Variants in CCDC102B observed in about 807,000 individuals in gnomAD.
CCDC102B encodes coiled-coil domain containing 102B.
Under a neutral mutation model 57.4 loss-of-function variants are expected in CCDC102B, and 75 were observed. That is an observed-to-expected ratio of 1.31 (90% CI 1.08 to 1.58). The LOEUF (loss-of-function observed/expected upper bound fraction) is 1.58. Ranked by LOEUF, CCDC102B falls within the 40% of genes most tolerant of loss-of-function variation. CCDC102B has a pLI of 0.00. For synonymous variants in CCDC102B, 206 were observed against 201.9 expected, an observed-to-expected ratio of 1.02 and a Z score of -0.17; for missense variants, 636 against 582.6, an observed-to-expected ratio of 1.09 and a Z score of -0.94.
chr18:69,009,949 T>TTTTTTTTTTTTTTTTTTTA (rs2051461349), intron 6 of CCDC102B, among the ~76,000 whole-genome samples: 1 of 132,360 alleles, frequency 7.6e-6, no homozygotes, highest in Non-Finnish European at 1.6e-5. Context: ...TTTTTTTTTT[T>TTTTTTTTTTTTTTTTTTTA]GAGACGGAGC....
rs576513378 is a variant in CCDC102B at position 68,744,006 on chromosome 18, C to T, written c.-67+27412C>T. ...TTTGGATTTTGAAGTCTTTGGACTT[C>T]GACACTTTTAGAATTTGCATTTAAT... is the stretch of plus-strand genomic sequence containing the variant. On this transcript the variant is annotated intron_variant, in intron 2 of 3. Coordinates refer to the CCDC102B transcript ENST00000578970. 2.6e-5 allele frequency among the ~76,000 whole-genome samples: 4 copies of T among 152,100 alleles called. No homozygotes were observed. The South Asian group carries it at 6.2e-4, about 24-fold the overall frequency.
intron 6 of CCDC102B, among the ~76,000 whole-genome samples, chr18:68,908,922 T>G (rs7230790): frequency 0.89 from 134,621 of 151,782 alleles, 59,859 homozygotes; most frequent in East Asian, 0.99. Context: ...GTGGCTCTTC[T>G]TGTACTGATC....
intron 2 of CCDC102B, among the ~76,000 whole-genome samples, chr18:68,783,201 G>A (rs959043504): frequency 6.6e-6 from 1 of 152,148 alleles, no homozygotes; most frequent in African/African-American, 2.4e-5. Flanking sequence ...TGGAGAGCAG[G>A]TAATCAGGTT....
intron 2 of CCDC102B, among the ~76,000 whole-genome samples, chr18:68,742,470 A>G (rs1599395664): frequency 6.6e-6 from 1 of 152,244 alleles, no homozygotes; most frequent in African/African-American, 2.4e-5. Context: ...TTTTGGGGAT[A>G]CACAATTCAA....
At chr18:68,794,446 AC>A (rs2035562915), upstream of CCDC102B, among the ~76,000 whole-genome samples, 8 of 152,024 alleles carry the variant, frequency 5.3e-5, no homozygotes, top group African/African-American at 1.9e-4. Flanking sequence ...AAAAAAAATG[AC>A]CACATTGTTG....
At chr18:68,951,982 T>G (rs562527649) in intron 6 of CCDC102B, among the ~76,000 whole-genome samples, 11 of 152,266 alleles carry the variant, frequency 7.2e-5, no homozygotes, top group African/African-American at 1.9e-4. Context: ...TACACATATT[T>G]AAACTTTAAA....
At position 68,821,848 on chromosome 18, in the gene CCDC102B, A is replaced by G. The variant is rs76460937; in HGVS notation, c.-15-14901A>G. Among the ~76,000 whole-genome samples the G allele has an allele frequency of 1.8e-3, 267 of 152,242 alleles. 1 individual carries two copies. The highest frequency in any genetic ancestry group is 5.9e-3 in the African/African-American group (247 of 41,572). On this transcript the variant is annotated intron_variant, in intron 1 of 7. Coordinates refer to ENST00000360242, the MANE Select transcript of CCDC102B (RefSeq NM_024781.3). ...TATATACACCATTTAATATAATTGT[A>G]GAGAAAAATAAAATAAAATATTCCA...
intron 2 of CCDC102B, among the ~76,000 whole-genome samples, chr18:68,733,723 G>T (rs1463122739): frequency 6.6e-6 from 1 of 151,830 alleles, no homozygotes; most frequent in African/African-American, 2.4e-5. Flanking sequence ...TACCTAAGAG[G>T]ACTTCCAAAT....
intron 2 of CCDC102B, chr18:68,838,476 C>A: frequency 5.1e-6 from 5 of 984,920 alleles, no homozygotes; most frequent in Non-Finnish European, 6.0e-6. Flanking sequence ...AGAGTTAAAG[C>A]AGAACTTTTG....
At chr18:68,785,574 G>T (rs2035175153) in intron 2 of CCDC102B, among the ~76,000 whole-genome samples, 1 of 150,930 alleles carries the variant, frequency 6.6e-6, no homozygotes, top group Admixed American at 6.6e-5. Context: ...TTCTCTGATG[G>T]CCAGTGATGA....
intron 7 of CCDC102B, among the ~76,000 whole-genome samples, chr18:69,014,978 A>AGT (rs3035604): frequency 0.67 from 92,875 of 139,416 alleles, 32,974 homozygotes; most frequent in Non-Finnish European, 0.78. Context: ...AGAGAGAGAG[A>AGT]GTGTGTGTGT....
intron 6 of CCDC102B, among the ~76,000 whole-genome samples, chr18:68,985,444 A>G (rs1194957445): frequency 1.3e-5 from 2 of 152,180 alleles, no homozygotes; most frequent in African/African-American, 4.8e-5. Context: ...CTCTAGATCT[A>G]TGAACAGAGG....
intron 1 of CCDC102B, among the ~76,000 whole-genome samples, chr18:68,831,533 G>A (rs931102954): frequency 6.6e-6 from 1 of 152,056 alleles, no homozygotes; most frequent in African/African-American, 2.4e-5. Context: ...AAATATCTAA[G>A]CTTTAAATTA....
At chr18:68,826,277 A>C (rs754611605) in intron 1 of CCDC102B, among the ~76,000 whole-genome samples, 17 of 152,242 alleles carry the variant, frequency 1.1e-4, no homozygotes, top group Non-Finnish European at 2.4e-4. Context: ...TGAAGACACA[A>C]CTTGGGGTAG....
intron 4 of CCDC102B, among the ~76,000 whole-genome samples, chr18:68,864,857 CT>C (rs1462631689): frequency 3.9e-5 from 6 of 151,962 alleles, no homozygotes; most frequent in Non-Finnish European, 1.5e-5. Context: ...CAAAATATTC[CT>C]TATTCTTTCC....
At chr18:68,791,190 A>G (rs1201310217) in intron 2 of CCDC102B, among the ~76,000 whole-genome samples, 1 of 152,246 alleles carries the variant, frequency 6.6e-6, no homozygotes, top group Non-Finnish European at 1.5e-5. Flanking sequence ...GGCTGCCCAA[A>G]TAGTTCGAGT....
chr18:68,995,404 C>T (rs2050996364), intron 6 of CCDC102B, among the ~76,000 whole-genome samples: 3 of 152,082 alleles, frequency 2.0e-5, no homozygotes, highest in Admixed American at 2.0e-4. Flanking sequence ...CATCTTAGGT[C>T]GGCTTAGGAG....
chr18:68,767,310 A>G (rs940147211), intron 2 of CCDC102B, among the ~76,000 whole-genome samples: 7 of 152,070 alleles, frequency 4.6e-5, no homozygotes, highest in Admixed American at 3.9e-4. Flanking sequence ...ATGATGGGGG[A>G]GCTCCTATAA....
At chr18:69,055,975 A>G (rs929386615), downstream of CCDC102B, among the ~76,000 whole-genome samples, 1 of 152,106 alleles carries the variant, frequency 6.6e-6, no homozygotes, top group Non-Finnish European at 1.5e-5. Flanking sequence ...ATCTTAGTAC[A>G]GACATATTGA....
Sources: gnomAD v4.1 joint callset for allele counts (sites outside exome capture counted in the v4.1 genomes callset) on GRCh38, gnomAD v4.1.1 for gene constraint, MANE v1.5 for transcripts, NCBI Gene and HGNC (gene_info 2026-07-23, HGNC 2026-07-21) for gene names.